TMEM233: variants seen among roughly 807,000 people sequenced by gnomAD.
The protein encoded by TMEM233 is dispanin subfamily B member 2.
In TMEM233, 6 loss-of-function variants were observed where a neutral mutation model predicts 11.2. That is an observed-to-expected ratio of 0.54 (90% CI 0.29 to 1.06). TMEM233 has a LOEUF of 1.06. TMEM233 is among the 50% of genes least tolerant of loss of function. The probability of loss-of-function intolerance (pLI) is 0.08; values close to 1 mark genes in which losing one functional copy is unlikely to be tolerated. For synonymous variants in TMEM233, 59 were observed against 55.8 expected, an observed-to-expected ratio of 1.06 and a Z score of -0.26; for missense variants, 127 against 144.7, an observed-to-expected ratio of 0.88 and a Z score of 0.63.
At chr12:119,653,013 A>G in the TMEM233 span, among the ~76,000 whole-genome samples, 4 of 152,256 alleles carry the variant, frequency 2.6e-5, no homozygotes, top group African/African-American at 9.6e-5. Context: ...TTTCACTACC[A>G]GTTAAAACAA....
downstream of TMEM233, among the ~76,000 whole-genome samples, chr12:119,643,767 CAAA>C (rs113473098): frequency 1.7e-5 from 2 of 119,478 alleles, no homozygotes; most frequent in Non-Finnish European, 3.6e-5. Flanking sequence ...GATTCCGTAT[CAAA>C]AAAAAAAAAA....
downstream of TMEM233, among the ~76,000 whole-genome samples, chr12:119,645,851 G>A (rs1289866374): frequency 6.6e-6 from 1 of 152,096 alleles, no homozygotes; most frequent in Non-Finnish European, 1.5e-5. Flanking sequence ...ACTCCCCCAG[G>A]TCACGTGGAA....
intron 2 of TMEM233, among the ~76,000 whole-genome samples, chr12:119,636,188 C>T (rs747725283): frequency 7.9e-5 from 12 of 152,120 alleles, no homozygotes; most frequent in Non-Finnish European, 1.5e-4. Flanking sequence ...CAGGAGCCCA[C>T]CAAGAGTTGC....
intron 2 of TMEM233, among the ~76,000 whole-genome samples, chr12:119,630,743 G>A (rs559290281): frequency 1.1e-4 from 16 of 152,216 alleles, no homozygotes; most frequent in Admixed American, 2.0e-4. Flanking sequence ...AATCAGTCAC[G>A]TAATCCCACC....
the TMEM233 span, among the ~76,000 whole-genome samples, chr12:119,653,448 G>A: frequency 6.7e-6 from 1 of 149,506 alleles, no homozygotes; most frequent in East Asian, 1.9e-4. Flanking sequence ...AGGAAACTGT[G>A]ATAGTCAAGA....
intron 2 of TMEM233, among the ~76,000 whole-genome samples, chr12:119,634,940 A>G (rs1954944465): frequency 6.6e-6 from 1 of 152,218 alleles, no homozygotes; most frequent in Admixed American, 6.5e-5. Context: ...GCTGGGAATT[A>G]TTCAACTGAA....
At chr12:119,597,204 C>T (rs1193910254) in intron 1 of TMEM233, among the ~76,000 whole-genome samples, 1 of 152,208 alleles carries the variant, frequency 6.6e-6, no homozygotes, top group Non-Finnish European at 1.5e-5. Context: ...TTGTGATGTT[C>T]AGTCCTGGCA....
chr12:119,625,884 T>C (rs1185556065), intron 1 of TMEM233, among the ~76,000 whole-genome samples: 8 of 152,180 alleles, frequency 5.3e-5, no homozygotes, highest in Non-Finnish European at 7.4e-5. Context: ...TATTATTATC[T>C]AACATTTACT....
chr12:119,596,487 C>T (rs1190557550), intron 1 of TMEM233, among the ~76,000 whole-genome samples: 11 of 90,378 alleles, frequency 1.2e-4, no homozygotes, highest in Admixed American at 3.1e-4. Flanking sequence ...AAGTTTGTAT[C>T]TTTTTTTTTT....
chr12:119,626,495 AGGAGG>A (rs1197650334), intron 1 of TMEM233, among the ~76,000 whole-genome samples: 1 of 121,776 alleles, frequency 8.2e-6, no homozygotes, highest in African/African-American at 3.6e-5. Flanking sequence ...AAGAAGAAAA[AGGAGG>A]AGGAGGAGGA....
downstream of TMEM233, among the ~76,000 whole-genome samples, chr12:119,645,167 A>G (rs1955134662): frequency 2.0e-5 from 3 of 152,214 alleles, no homozygotes; most frequent in South Asian, 6.2e-4. Context: ...ATGCAGATAT[A>G]AAATCGCTGG....
chr12:119,596,984 T>A lies in TMEM233; in HGVS notation c.186+2950T>A, dbSNP rs568752482. On this transcript the variant is annotated intron_variant, in intron 1 of 2. Coordinates refer to ENST00000426426, the MANE Select transcript of TMEM233 (RefSeq NM_001136534.3). ...TGGAACCTGGAGATATCATGTTACA[T>A]ATAAAAACAAACAGAAATTCTAAAC... 2.6e-5 allele frequency among the ~76,000 whole-genome samples: 4 copies of A among 152,322 alleles called. No homozygotes were observed. The South Asian group carries it at 8.3e-4, about 32-fold the overall frequency.
At chr12:119,639,746 T>C (rs1955045031) in intron 2 of TMEM233, among the ~76,000 whole-genome samples, 1 of 152,236 alleles carries the variant, frequency 6.6e-6, no homozygotes, top group Non-Finnish European at 1.5e-5. Flanking sequence ...TCTGTGCCTC[T>C]GTTTTCTCAT....
chr12:119,609,854 T>A (rs1200128899), intron 1 of TMEM233, among the ~76,000 whole-genome samples: 4 of 152,140 alleles, frequency 2.6e-5, no homozygotes, highest in Non-Finnish European at 5.9e-5. Context: ...TAGGGCAGTG[T>A]GGAAGGGAAA....
At chr12:119,645,573 A>G (rs1955139896), downstream of TMEM233, among the ~76,000 whole-genome samples, 1 of 152,226 alleles carries the variant, frequency 6.6e-6, no homozygotes, top group Non-Finnish European at 1.5e-5. Flanking sequence ...CAATACATTC[A>G]TTCATTCATT....
At chr12:119,601,501 A>C (rs1195461279) in intron 1 of TMEM233, among the ~76,000 whole-genome samples, 1 of 147,090 alleles carries the variant, frequency 6.8e-6, no homozygotes, top group Non-Finnish European at 1.5e-5. Flanking sequence ...CTAAAAATGC[A>C]AAAAAAATTA....
chr12:119,651,885 T>A, the TMEM233 span, among the ~76,000 whole-genome samples: 1 of 151,794 alleles, frequency 6.6e-6, no homozygotes, highest in South Asian at 2.1e-4. Flanking sequence ...TAGAAATTTT[T>A]ATTCTAATAA....
At position 119,593,838 on chromosome 12, in the gene TMEM233, C is replaced by T. The variant is rs772642899; in HGVS notation, c.-11C>T. On this transcript the variant is annotated 5_prime_UTR_variant, in exon 1 of 3. Coordinates refer to ENST00000426426, the MANE Select transcript of TMEM233 (RefSeq NM_001136534.3). This position sits in a 1 kb window ranked among gnomAD's most constrained non-coding sequence, Gnocchi z 4.1. ...CGCTCCTCCGCCCTCCCGGCGCCGC[C>T]GGCCTCGCCCATGTCTCAGTACGCC... 2.6e-6 allele frequency: 4 copies of T among 1,549,744 alleles called. No individual in the cohort carries two copies. Among genetic ancestry groups the T allele is most frequent in the East Asian group, 4.9e-5 (2 of 40,854 alleles).
At chr12:119,647,917 A>G (rs1955176113), downstream of TMEM233, among the ~76,000 whole-genome samples, 2 of 151,998 alleles carry the variant, frequency 1.3e-5, no homozygotes, top group South Asian at 2.1e-4. Flanking sequence ...AAAGCCCTAC[A>G]TGATCAGACC....
Sources: allele counts gnomAD v4.1 joint callset (sites outside exome capture counted in the v4.1 genomes callset), GRCh38; gene constraint gnomAD v4.1.1; non-coding constraint Gnocchi (gnomAD v3.1); transcripts MANE v1.5; gene names NCBI Gene and HGNC (gene_info 2026-07-23, HGNC 2026-07-21).